ROR1: variants seen among roughly 807,000 people sequenced by gnomAD.
ROR1 encodes the protein ROR family WNT receptor 1, also known as inactive tyrosine-protein kinase transmembrane receptor ROR1.
Under a neutral mutation model 78.8 loss-of-function variants are expected in ROR1, and 19 were observed. The ratio of observed to expected loss-of-function variants is 0.24; its 90% CI spans 0.17 to 0.35. The LOEUF is 0.35. Ranked by LOEUF, ROR1 falls within the 10% of genes least tolerant of loss-of-function variation. The probability of loss-of-function intolerance (pLI) is 1.00; values close to 1 mark genes in which losing one functional copy is unlikely to be tolerated. For missense variants in ROR1, 917 were observed against 1,177.8 expected (o/e 0.78, Z 3.24); for synonymous variants, 386 against 433.6 (o/e 0.89, Z 1.36).
intron 2 of ROR1, among the ~76,000 whole-genome samples, chr1:64,011,015 A>T (rs893561070): frequency 6.6e-6 from 1 of 152,206 alleles, no homozygotes; most frequent in African/African-American, 2.4e-5. Context: ...CATTCACTGT[A>T]AGTTGTATTT....
intron 4 of ROR1, among the ~76,000 whole-genome samples, chr1:64,067,707 A>ATTATTTTTTTTTTT (rs1557635987): frequency 7.7e-6 from 1 of 130,414 alleles, no homozygotes. Context: ...AGTTAAATAA[A>ATTATTTTTTTTTTT]TTCTTTTTTT....
At chr1:64,049,628 G>T in intron 2 of ROR1, 63 bp from the exon 3 acceptor site, 1 of 1,451,156 alleles carries the variant, frequency 6.9e-7, no homozygotes, top group Non-Finnish European at 9.5e-7. Context: ...GAGGGGATTT[G>T]GCTGCTTGGA....
At chr1:64,040,862 A>C (rs1343709502) in intron 2 of ROR1, among the ~76,000 whole-genome samples, 1 of 152,200 alleles carries the variant, frequency 6.6e-6, no homozygotes, top group East Asian at 1.9e-4. Flanking sequence ...TATCCACAAA[A>C]GCTTATAATC....
At chr1:63,851,690 G>A (rs1645114863) in intron 1 of ROR1, among the ~76,000 whole-genome samples, 3 of 152,198 alleles carry the variant, frequency 2.0e-5, no homozygotes, top group African/African-American at 7.2e-5. Context: ...AAAATAATAA[G>A]CATATGCAAA....
intron 1 of ROR1, among the ~76,000 whole-genome samples, chr1:63,875,785 C>G (rs1203511383): frequency 1.3e-5 from 2 of 152,134 alleles, no homozygotes. Flanking sequence ...GATCACTTCT[C>G]TCCTCATTAA....
At chr1:63,856,929 G>A (rs1479943246) in intron 1 of ROR1, among the ~76,000 whole-genome samples, 1 of 152,002 alleles carries the variant, frequency 6.6e-6, no homozygotes, top group Non-Finnish European at 1.5e-5. Context: ...CAGTAATTTA[G>A]TGCGGCACTC....
chr1:63,848,682 T>G (rs1466775438), intron 1 of ROR1, among the ~76,000 whole-genome samples: 1 of 152,190 alleles, frequency 6.6e-6, no homozygotes, highest in Non-Finnish European at 1.5e-5. Flanking sequence ...TTGGTTCTTT[T>G]TAAATTCACT....
At chr1:63,840,231 G>C (rs1457870983) in intron 1 of ROR1, among the ~76,000 whole-genome samples, 3 of 151,316 alleles carry the variant, frequency 2.0e-5, no homozygotes, top group African/African-American at 7.3e-5. Flanking sequence ...TTCAGAATCT[G>C]TGAAATAGGA....
At chr1:64,163,836 C>G (rs1430469466) in intron 8 of ROR1, among the ~76,000 whole-genome samples, 1 of 152,174 alleles carries the variant, frequency 6.6e-6, no homozygotes, top group Non-Finnish European at 1.5e-5. Context: ...TGTCACCACA[C>G]TTCATGCTAA....
rs375179101 is a variant in ROR1 at position 64,036,859 on chromosome 1, G to A, written c.164-12832G>A. 1.2e-4 allele frequency among the ~76,000 whole-genome samples: 18 copies of A among 152,284 alleles called. No individual in the cohort carries two copies. In the East Asian group the frequency reaches 1.5e-3, roughly 13 times the overall value. ...GTCTCTCATGTGGTTGCAGTCAGAT[G>A]GTGGCTGGGTCTAGGGTCATCTTAA... On this transcript the variant is annotated intron_variant, in intron 2 of 8. Transcript: ENST00000371079.
chr1:64,140,487 G>A, intron 6 of ROR1, 61 bp downstream of exon 6: 1 of 1,492,262 alleles, frequency 6.7e-7, no homozygotes, highest in Non-Finnish European at 9.2e-7. Flanking sequence ...TTGGCACAGG[G>A]AAAACTGGAC....
At chr1:63,982,356 CT>C (rs1244756176) in intron 1 of ROR1, among the ~76,000 whole-genome samples, 1 of 152,196 alleles carries the variant, frequency 6.6e-6, no homozygotes, top group Non-Finnish European at 1.5e-5. Context: ...TGGGAAAGCA[CT>C]TTGAAAATTG....
intron 8 of ROR1, among the ~76,000 whole-genome samples, chr1:64,162,075 A>G (rs972110125): frequency 1.3e-5 from 2 of 152,228 alleles, no homozygotes; most frequent in Non-Finnish European, 2.9e-5. Flanking sequence ...TCCTGAAAAC[A>G]AACACTCCAC....
At chr1:64,081,996 C>T (rs1418952757) in intron 4 of ROR1, among the ~76,000 whole-genome samples, 2 of 152,044 alleles carry the variant, frequency 1.3e-5, no homozygotes, top group African/African-American at 4.8e-5. Context: ...CCTTTAAAAG[C>T]AGAGCATATA....
intron 1 of ROR1, among the ~76,000 whole-genome samples, chr1:63,895,321 G>C (rs1645430883): frequency 6.6e-6 from 1 of 152,162 alleles, no homozygotes; most frequent in African/African-American, 2.4e-5. Flanking sequence ...GTCTCTGTTA[G>C]ACAGTGGGAT....
chr1:64,063,022 A>G (rs928616785), intron 4 of ROR1, among the ~76,000 whole-genome samples: 1 of 152,196 alleles, frequency 6.6e-6, no homozygotes, highest in African/African-American at 2.4e-5. Context: ...ATATTTTTAC[A>G]TGACACAGGG....
chr1:63,826,825 T>C (rs371240550), intron 1 of ROR1, among the ~76,000 whole-genome samples: 7 of 152,176 alleles, frequency 4.6e-5, no homozygotes, highest in Middle Eastern at 3.4e-3. Flanking sequence ...TTTTTTGACT[T>C]TTTAGTAATA....
intron 5 of ROR1, among the ~76,000 whole-genome samples, chr1:64,137,914 T>C (rs1453929406): frequency 1.3e-5 from 2 of 152,186 alleles, no homozygotes; most frequent in Non-Finnish European, 2.9e-5. Context: ...ATCCCAGAAC[T>C]ATTATGACAG....
intron 1 of ROR1, among the ~76,000 whole-genome samples, chr1:63,786,524 G>A (rs1192090216): frequency 1.3e-5 from 2 of 149,998 alleles, no homozygotes; most frequent in South Asian, 4.2e-4. Flanking sequence ...CTCCCGCCTC[G>A]GCCTCCCAGA....
Sources: gnomAD v4.1 joint callset for allele counts (sites outside exome capture counted in the v4.1 genomes callset) on GRCh38, gnomAD v4.1.1 for gene constraint, MANE v1.5 for transcripts, NCBI Gene and HGNC (gene_info 2026-07-23, HGNC 2026-07-21) for gene names.